EBF2: variants seen among roughly 807,000 people sequenced by gnomAD.
EBF2 encodes the protein transcription factor COE2.
A neutral mutation model predicts 72.8 loss-of-function variants in EBF2; 21 were observed. That is an observed-to-expected ratio of 0.29 (90% CI 0.20 to 0.42). The LOEUF is 0.42. EBF2 is among the 10% of genes least tolerant of loss of function. The pLI is 1.00. For missense variants in EBF2, 637 were observed against 731.2 expected (o/e 0.87, Z 1.49); for synonymous variants, 299 against 274.2 (o/e 1.09, Z -0.89).
chr8:25,860,514 C>G (rs1379012532), intron 13 of EBF2, among the ~76,000 whole-genome samples: 1 of 142,268 alleles, frequency 7.0e-6, no homozygotes, highest in Non-Finnish European at 1.5e-5. Context: ...GAGACAGGTT[C>G]TCGCTCTGTT....
chr8:25,886,711 G>A, intron 10 of EBF2, 44 bp downstream of exon 10: 2 of 1,578,578 alleles, frequency 1.3e-6, no homozygotes, highest in Non-Finnish European at 1.7e-6. Flanking sequence ...TAGCGCAAAG[G>A]CAAACCAGAA....
chr8:26,039,922 T>A, intron 5 of EBF2, 106 bp downstream of exon 5: 1 of 1,231,552 alleles, frequency 8.1e-7, no homozygotes, highest in Non-Finnish European at 1.2e-6. Flanking sequence ...GCCTCCCAGC[T>A]GCGAGCGCTC....
At chr8:25,862,672 C>A in intron 11 of EBF2, 37 bp downstream of exon 11, 1 of 1,514,868 alleles carries the variant, frequency 6.6e-7, no homozygotes, top group Non-Finnish European at 8.9e-7. Flanking sequence ...AAATTCTACA[C>A]AAATGGCTTC....
chr8:25,989,001 A>C lies in EBF2; in HGVS notation c.551+44084T>G, dbSNP rs368633634. ...ATTAATTATGTGATATCCAAACACA[A>C]GGGACAGTTGCGGTGTAGAGGAAAG... On this transcript the variant is annotated intron_variant, in intron 6 of 15. Transcript: ENST00000520164. Among the ~76,000 whole-genome samples, 10 of 152,372 alleles carry C rather than the reference A, an allele frequency of 6.6e-5. No homozygotes were observed. In the East Asian group the frequency reaches 1.2e-3, roughly 18 times the overall value.
chr8:25,968,856 C>G (rs1804151467), intron 6 of EBF2, among the ~76,000 whole-genome samples: 1 of 152,220 alleles, frequency 6.6e-6, no homozygotes. Flanking sequence ...CCGTGCCCCG[C>G]AGAGTGTCAG....
At chr8:25,882,595 G>A (rs1802622412) in intron 10 of EBF2, among the ~76,000 whole-genome samples, 1 of 152,188 alleles carries the variant, frequency 6.6e-6, no homozygotes. Flanking sequence ...AGAGCCAGTT[G>A]TTAAACCTTT....
chr8:25,897,329 C>T (rs1038956455), intron 7 of EBF2, among the ~76,000 whole-genome samples: 1 of 151,746 alleles, frequency 6.6e-6, no homozygotes, highest in East Asian at 1.9e-4. Context: ...TAAAAAATTT[C>T]TTTTAACTAT....
At chr8:25,932,204 C>G (rs1803496327) in intron 6 of EBF2, among the ~76,000 whole-genome samples, 1 of 152,100 alleles carries the variant, frequency 6.6e-6, no homozygotes, top group Non-Finnish European at 1.5e-5. Context: ...TTCCTCCATT[C>G]TAAGCCTTAG....
chr8:25,886,615 A>G, intron 10 of EBF2, 140 bp downstream of exon 10: 1 of 1,010,572 alleles, frequency 9.9e-7, no homozygotes, highest in Non-Finnish European at 1.4e-6. Context: ...ATCACCATTC[A>G]ACATCTATCA....
chr8:26,003,600 G>C (rs1804778108), intron 6 of EBF2, among the ~76,000 whole-genome samples: 1 of 152,126 alleles, frequency 6.6e-6, no homozygotes, highest in African/African-American at 2.4e-5. Flanking sequence ...GACAAGCTCA[G>C]ATTGAAATCT....
intron 14 of EBF2, among the ~76,000 whole-genome samples, chr8:25,856,589 A>G (rs1260128682): frequency 6.6e-6 from 1 of 152,172 alleles, no homozygotes; most frequent in Non-Finnish European, 1.5e-5. Flanking sequence ...TGTAAAGTGG[A>G]ATGTAATTGT....
chr8:25,938,781 T>C (rs576410056), intron 6 of EBF2, among the ~76,000 whole-genome samples: 50 of 152,150 alleles, frequency 3.3e-4, no homozygotes, highest in Non-Finnish European at 6.0e-4. Flanking sequence ...CACAAGTCCC[T>C]GTGATGTGGG....
At chr8:25,867,975 G>C (rs985416612) in intron 10 of EBF2, among the ~76,000 whole-genome samples, 2 of 152,172 alleles carry the variant, frequency 1.3e-5, no homozygotes, top group Non-Finnish European at 2.9e-5. Context: ...AACCGATCTA[G>C]AGTTCCCCTC....
intron 6 of EBF2, among the ~76,000 whole-genome samples, chr8:26,010,641 G>C (rs1218882162): frequency 6.6e-6 from 1 of 151,948 alleles, no homozygotes; most frequent in Non-Finnish European, 1.5e-5. Context: ...GAGCTGCCTC[G>C]GAAAGCTCTA....
At chr8:25,859,491 A>G (rs1329012870) in intron 13 of EBF2, among the ~76,000 whole-genome samples, 1 of 152,194 alleles carries the variant, frequency 6.6e-6, no homozygotes, top group Non-Finnish European at 1.5e-5. Flanking sequence ...ACTTTGGGGC[A>G]TCAGCAGTGA....
intron 7 of EBF2, among the ~76,000 whole-genome samples, chr8:25,905,641 T>C (rs1803020949): frequency 6.6e-6 from 1 of 152,122 alleles, no homozygotes; most frequent in South Asian, 2.1e-4. Flanking sequence ...GACAAACCTA[T>C]AGAGACAGAA....
intron 6 of EBF2, among the ~76,000 whole-genome samples, chr8:25,923,934 T>C (rs1005197037): frequency 9.8e-6 from 1 of 101,562 alleles, no homozygotes; most frequent in South Asian, 3.0e-4. Flanking sequence ...TTTATGCTTC[T>C]CCTAATGAGA....
intron 8 of EBF2, 51 bp downstream of exon 8, chr8:25,889,701 A>G (rs1802746182): frequency 7.0e-7 from 1 of 1,437,310 alleles, no homozygotes; most frequent in Admixed American, 1.7e-5. Context: ...CGAACAAGGA[A>G]ATTCGTGGAG....
intron 14 of EBF2, among the ~76,000 whole-genome samples, chr8:25,854,897 T>C (rs1356402659): frequency 6.6e-6 from 1 of 152,208 alleles, no homozygotes; most frequent in East Asian, 1.9e-4. Flanking sequence ...TGAGGACAAG[T>C]TGGCTTCCTG....
Sources: gnomAD v4.1 joint callset for allele counts (sites outside exome capture counted in the v4.1 genomes callset) on GRCh38, gnomAD v4.1.1 for gene constraint, MANE v1.5 for transcripts, NCBI Gene and HGNC (gene_info 2026-07-23, HGNC 2026-07-21) for gene names.